Variants in CALN1 observed in about 807,000 individuals in gnomAD.
CALN1 encodes calneuron 1.
Under a neutral mutation model 30.6 loss-of-function variants are expected in CALN1, and 17 were observed. The ratio of observed to expected loss-of-function variants is 0.56; its 90% CI spans 0.38 to 0.83. The LOEUF is 0.83. Among genes scored for constraint, CALN1 ranks in the 40% least tolerant of loss-of-function variants. The pLI is 0.00. For missense variants in CALN1, 291 were observed against 354.9 expected, an observed-to-expected ratio of 0.82 and a Z score of 1.45; for synonymous variants, 156 against 131.4, an observed-to-expected ratio of 1.19 and a Z score of -1.28.
chr7:72,083,585 A>T (rs1202664632), intron 4 of CALN1, among the ~76,000 whole-genome samples: 2 of 151,860 alleles, frequency 1.3e-5, no homozygotes, highest in South Asian at 2.1e-4. Flanking sequence ...CCTCATCTAT[A>T]AAAAAAATAA....
chr7:72,413,984 G>A (rs746757433), upstream of CALN1, among the ~76,000 whole-genome samples: 6 of 151,974 alleles, frequency 3.9e-5, no homozygotes, highest in African/African-American at 1.5e-4. Context: ...TGTCTCCAAG[G>A]CTTTCTGTTT....
At chr7:72,341,167 C>T (rs994340626) in intron 2 of CALN1, among the ~76,000 whole-genome samples, 1 of 152,184 alleles carries the variant, frequency 6.6e-6, no homozygotes, top group East Asian at 1.9e-4. Context: ...CATCATCTAA[C>T]AATCTGTTGC....
At chr7:72,349,323 T>TGTGTGTGTGTGTG (rs1802808476) in intron 2 of CALN1, among the ~76,000 whole-genome samples, 1 of 121,596 alleles carries the variant, frequency 8.2e-6, no homozygotes, top group African/African-American at 3.0e-5. Flanking sequence ...TGTGTGTGTG[T>TGTGTGTGTGTGTG]TGGGAAGGTT....
chr7:72,139,203 T>TC (rs1482810308), intron 3 of CALN1, among the ~76,000 whole-genome samples: 2 of 152,148 alleles, frequency 1.3e-5, no homozygotes, highest in African/African-American at 2.4e-5. Flanking sequence ...ATCCATCCCC[T>TC]CTTTGATGTC....
At chr7:72,389,091 G>A (rs1171086724) in intron 2 of CALN1, among the ~76,000 whole-genome samples, 4 of 152,230 alleles carry the variant, frequency 2.6e-5, no homozygotes, top group Admixed American at 1.3e-4. Context: ...ACCTTGTTGC[G>A]CTCTCTACTC....
chr7:72,309,375 G>A (rs571076892), intron 2 of CALN1, among the ~76,000 whole-genome samples: 42 of 152,188 alleles, frequency 2.8e-4, no homozygotes, highest in African/African-American at 1.0e-3. Context: ...ACCCAAGAAG[G>A]GACTCAAAAG....
rs1057097556 is a variant in CALN1 at position 72,109,999 on chromosome 7, G to A, written c.245-3705C>T. Reference sequence around the variant, plus strand: ...GACAAGGTCTGCGGCTGCAGTTACTGGATAGCCAGTTGTAAGCTAAGTCTT... The same window carrying A: ...GACAAGGTCTGCGGCTGCAGTTACTAGATAGCCAGTTGTAAGCTAAGTCTT... On this transcript the variant is annotated intron_variant, in intron 3 of 6. Transcript: ENST00000395275. Among the ~76,000 whole-genome samples the A allele has an allele frequency of 3.3e-5, 5 of 152,208 alleles. 1 individual carries two copies. Among genetic ancestry groups the A allele is most frequent in the Non-Finnish European group, 4.4e-5 (3 of 68,036 alleles).
intron 5 of CALN1, among the ~76,000 whole-genome samples, chr7:71,889,352 GAAATA>G (rs1258798305): frequency 2.0e-5 from 3 of 152,018 alleles, no homozygotes; most frequent in South Asian, 2.1e-4. Context: ...TTTAATAGAT[GAAATA>G]AATACTCCAG....
intron 1 of CALN1, among the ~76,000 whole-genome samples, chr7:72,408,893 G>T (rs1806899847): frequency 6.6e-6 from 1 of 151,710 alleles, no homozygotes; most frequent in African/African-American, 2.4e-5. Context: ...GCCCAGGTTG[G>T]TCTCAAACTC....
In CALN1 at chr7:72,353,918, G is replaced by A. The variant is rs187681090; in HGVS notation, c.119+49333C>T. Among the ~76,000 whole-genome samples, 6 of 152,306 alleles carry A rather than the reference G, an allele frequency of 3.9e-5. No individual in the cohort carries two copies. The East Asian group carries it at 1.2e-3, about 29-fold the overall frequency. On this transcript the variant is annotated intron_variant, in intron 2 of 6. Coordinates refer to ENST00000395275, the MANE Select transcript of CALN1 (RefSeq NM_031468.4). ...TAGCTCCATTCAGGCCGGGCGTAGT[G>A]GCTCACACCTGTAATCCCAGCACTT...
At chr7:71,791,270 C>T (rs1793368593) in intron 6 of CALN1, among the ~76,000 whole-genome samples, 1 of 152,178 alleles carries the variant, frequency 6.6e-6, no homozygotes, top group African/African-American at 2.4e-5. Flanking sequence ...TGATTCCATG[C>T]ATGTGTCTTT....
intron 3 of CALN1, among the ~76,000 whole-genome samples, chr7:72,238,192 AT>A (rs1284323749): frequency 6.6e-6 from 1 of 152,172 alleles, no homozygotes; most frequent in Non-Finnish European, 1.5e-5. Flanking sequence ...ACAAAAGGAA[AT>A]CAGTATTCTA....
chr7:72,125,032 T>C (rs1236368806), intron 3 of CALN1, among the ~76,000 whole-genome samples: 1 of 152,162 alleles, frequency 6.6e-6, no homozygotes, highest in Non-Finnish European at 1.5e-5. Context: ...TTGTTTTGCT[T>C]TGTTATTTTG....
the CALN1 span, among the ~76,000 whole-genome samples, chr7:72,456,139 G>A: frequency 2.0e-5 from 3 of 151,058 alleles, no homozygotes; most frequent in Non-Finnish European, 4.4e-5. Context: ...AGCCAAGATC[G>A]TGCCACTGCA....
intron 3 of CALN1, among the ~76,000 whole-genome samples, chr7:72,147,397 A>C (rs1211092106): frequency 2.0e-4 from 31 of 151,724 alleles, no homozygotes; most frequent in Non-Finnish European, 1.2e-4. Flanking sequence ...AGAGAAATGC[A>C]AATCAAAACC....
At chr7:71,807,905 C>G (rs1324402953) in intron 6 of CALN1, among the ~76,000 whole-genome samples, 1 of 152,134 alleles carries the variant, frequency 6.6e-6, no homozygotes, top group Non-Finnish European at 1.5e-5. Context: ...GAAACCCCGT[C>G]TCTACTAAAA....
intron 5 of CALN1, among the ~76,000 whole-genome samples, chr7:71,827,950 G>A (rs76992121): frequency 6.6e-6 from 1 of 152,092 alleles, no homozygotes; most frequent in Admixed American, 6.6e-5. Flanking sequence ...CATGAGGCTA[G>A]AACGTGCTCT....
intron 3 of CALN1, among the ~76,000 whole-genome samples, chr7:72,252,572 G>A (rs961192855): frequency 1.3e-5 from 2 of 149,608 alleles, no homozygotes; most frequent in African/African-American, 4.9e-5. Flanking sequence ...TCACACCACT[G>A]CACTCCAGCC....
intron 1 of CALN1, among the ~76,000 whole-genome samples, chr7:72,442,018 C>G (rs185086632): frequency 6.6e-6 from 1 of 152,112 alleles, no homozygotes. Context: ...CAGCTGTCCC[C>G]GTCTCAGGCC....
Sources: gnomAD v4.1 joint callset for allele counts (sites outside exome capture counted in the v4.1 genomes callset) on GRCh38, gnomAD v4.1.1 for gene constraint, MANE v1.5 for transcripts, NCBI Gene and HGNC (gene_info 2026-07-23, HGNC 2026-07-21) for gene names.